Variants in CFAP20DC observed in about 807,000 individuals in gnomAD.
The protein encoded by CFAP20DC is protein CFAP20DC.
Under a neutral mutation model 101.7 loss-of-function variants are expected in CFAP20DC, and 84 were observed. The ratio of observed to expected loss-of-function variants is 0.83; its 90% CI spans 0.69 to 0.99. CFAP20DC has a LOEUF of 0.99. Among genes scored for constraint, CFAP20DC ranks in the 50% least tolerant of loss-of-function variants. CFAP20DC has a pLI of 0.00. For synonymous variants in CFAP20DC, 359 were observed against 351.2 expected (o/e 1.02, Z -0.25); for missense variants, 1,007 against 970.3 (o/e 1.04, Z -0.50).
At chr3:58,881,463 G>C (rs2081224711) in intron 7 of CFAP20DC, among the ~76,000 whole-genome samples, 1 of 152,040 alleles carries the variant, frequency 6.6e-6, no homozygotes, top group Non-Finnish European at 1.5e-5. Flanking sequence ...ATGTGCACTG[G>C]GAATTGACAA....
chr3:59,033,415 A>G (rs1297922988), intron 4 of CFAP20DC, among the ~76,000 whole-genome samples: 1 of 152,166 alleles, frequency 6.6e-6, no homozygotes, highest in Non-Finnish European at 1.5e-5. Context: ...CTAAAGGAGC[A>G]TGTTTCTTAC....
intron 4 of CFAP20DC, among the ~76,000 whole-genome samples, chr3:58,951,913 A>T (rs1287617602): frequency 1.3e-5 from 2 of 152,278 alleles, no homozygotes; most frequent in East Asian, 3.9e-4. Flanking sequence ...ATAATAATAA[A>T]AAAAAGGGTT....
intron 13 of CFAP20DC, among the ~76,000 whole-genome samples, chr3:58,842,479 C>A (rs1006571345): frequency 6.6e-6 from 1 of 152,054 alleles, no homozygotes; most frequent in African/African-American, 2.4e-5. Flanking sequence ...CGGCGCACCA[C>A]GAGACTATAT....
At chr3:58,775,305 T>G (rs1211766535) in intron 15 of CFAP20DC, among the ~76,000 whole-genome samples, 1 of 152,148 alleles carries the variant, frequency 6.6e-6, no homozygotes, top group Non-Finnish European at 1.5e-5. Context: ...ACAATCAGAA[T>G]ATGCATCTAT....
chr3:58,803,989 T>A (rs1184468121), intron 15 of CFAP20DC, among the ~76,000 whole-genome samples: 3 of 152,238 alleles, frequency 2.0e-5, no homozygotes, highest in Non-Finnish European at 4.4e-5. Flanking sequence ...CATCTAGATA[T>A]TCATTCATTC....
intron 13 of CFAP20DC, among the ~76,000 whole-genome samples, chr3:58,842,887 C>A (rs539106332): frequency 1.6e-4 from 25 of 152,308 alleles, no homozygotes; most frequent in African/African-American, 5.5e-4. Flanking sequence ...TGGGAGGCAA[C>A]CCCCAGCAGG....
chr3:59,039,717 GAA>G, intron 3 of CFAP20DC, 88 bp from the exon 4 acceptor site: 1 of 767,918 alleles, frequency 1.3e-6, no homozygotes, highest in South Asian at 1.9e-5. Flanking sequence ...CGAACAAGCT[GAA>G]GATTTTAGCA....
At chr3:58,954,621 C>T (rs957821453) in intron 4 of CFAP20DC, among the ~76,000 whole-genome samples, 4 of 152,268 alleles carry the variant, frequency 2.6e-5, no homozygotes, top group African/African-American at 9.6e-5. Flanking sequence ...TGTGGCCTCC[C>T]TTACACATTC....
chr3:58,878,510 C>A (rs1482169214), intron 7 of CFAP20DC, among the ~76,000 whole-genome samples: 1 of 151,766 alleles, frequency 6.6e-6, no homozygotes, highest in Non-Finnish European at 1.5e-5. Flanking sequence ...AGCAAAGAAA[C>A]TTTTTTTTAG....
rs571233103 is a variant in CFAP20DC, at chr3:58,849,273, G to A, written c.1730C>T (p.Ala577Val). Reference protein sequence around the residue: ...KEYLRSAYTEAGATESQDSSM... With the variant: ...KEYLRSAYTEVGATESQDSSM... Reference sequence around the variant, plus strand: ...GGAATCCTGGCTTTCTGTTGCTCCTGCTTCTGTGTAGGCGCTCCTTAGATA... The same window carrying A: ...GGAATCCTGGCTTTCTGTTGCTCCTACTTCTGTGTAGGCGCTCCTTAGATA... Residue 577 changes from alanine to valine, a missense_variant, in exon 13 of 17, where the codon GCA (alanine) becomes GTA (valine). By Grantham distance (64) the Ala-to-Val change is moderately conservative. Transcript: ENST00000482387. 4.3e-5 allele frequency: 66 copies of A among 1,535,932 alleles called. No homozygotes were observed. The highest frequency in any genetic ancestry group is 5.7e-5 in the Non-Finnish European group (65 of 1,146,914).
At chr3:59,026,434 G>A (rs548372767) in intron 4 of CFAP20DC, among the ~76,000 whole-genome samples, 1 of 152,184 alleles carries the variant, frequency 6.6e-6, no homozygotes, top group South Asian at 2.1e-4. Context: ...AACTTAAAAA[G>A]CTACAAAGCA....
At chr3:58,978,104 G>T (rs2092357851) in intron 4 of CFAP20DC, among the ~76,000 whole-genome samples, 1 of 151,980 alleles carries the variant, frequency 6.6e-6, no homozygotes, top group Non-Finnish European at 1.5e-5. Flanking sequence ...TTTGTTCCTG[G>T]GTGGAGCAAA....
At chr3:58,856,265 G>GACACACAC (rs536277954) in intron 12 of CFAP20DC, among the ~76,000 whole-genome samples, 9,800 of 123,974 alleles carry the variant, frequency 0.079, 587 homozygotes, top group Admixed American at 0.13. Context: ...TTCATCTTCT[G>GACACACAC]ACACACACAC....
At chr3:59,020,691 T>C (rs1383032590) in intron 4 of CFAP20DC, among the ~76,000 whole-genome samples, 2 of 152,044 alleles carry the variant, frequency 1.3e-5, no homozygotes, top group Non-Finnish European at 2.9e-5. Context: ...TGAATGCAAG[T>C]AGAAGTAACA....
intron 16 of CFAP20DC, among the ~76,000 whole-genome samples, chr3:58,743,618 G>A (rs1334223490): frequency 6.6e-6 from 1 of 152,174 alleles, no homozygotes; most frequent in Non-Finnish European, 1.5e-5. Flanking sequence ...TGGTGGGTAT[G>A]GTGCAGGGCT....
rs146468422 is a variant in CFAP20DC, at chr3:58,764,240, C to T, written c.2238-10377G>A. ...CTACTCTAGCCTCAGCAATGGAGGG[C>T]GCCCCTCCTCCAGCCTTGCTGCCAC... On this transcript the variant is annotated intron_variant, in intron 15 of 16. Transcript: ENST00000482387. Among the ~76,000 whole-genome samples, 57 of 152,280 alleles carry T rather than the reference C, an allele frequency of 3.7e-4. No individual in the cohort carries two copies. In the East Asian group the frequency reaches 0.01, roughly 27 times the overall value.
At chr3:59,028,359 G>A (rs192410932) in intron 4 of CFAP20DC, among the ~76,000 whole-genome samples, 7 of 152,158 alleles carry the variant, frequency 4.6e-5, no homozygotes, top group Non-Finnish European at 1.5e-5. Flanking sequence ...CCTTTAATTC[G>A]CAGGCATTTA....
intron 14 of CFAP20DC, among the ~76,000 whole-genome samples, chr3:58,809,972 G>T (rs577587284): frequency 6.6e-6 from 1 of 152,066 alleles, no homozygotes; most frequent in South Asian, 2.1e-4. Context: ...ATAAATTCCT[G>T]GACACATACA....
intron 15 of CFAP20DC, among the ~76,000 whole-genome samples, chr3:58,787,037 T>C (rs1406110087): frequency 6.6e-6 from 1 of 151,808 alleles, no homozygotes; most frequent in Non-Finnish European, 1.5e-5. Context: ...AGGGGGGGCA[T>C]TACTGTAAAT....
Sources: allele counts gnomAD v4.1 joint callset (sites outside exome capture counted in the v4.1 genomes callset), GRCh38; gene constraint gnomAD v4.1.1; transcripts MANE v1.5; gene names NCBI Gene and HGNC (gene_info 2026-07-23, HGNC 2026-07-21).